The following FYN variants were observed in gnomAD, a reference collection of about 807,000 sequenced individuals.
The protein encoded by FYN is tyrosine-protein kinase Fyn.
A neutral mutation model predicts 70.2 loss-of-function variants in FYN; 10 were observed. The observed-to-expected ratio is 0.14, with a 90% CI of 0.09 to 0.24. The LOEUF is 0.24. Ranked by LOEUF, FYN falls within the 10% of genes least tolerant of loss-of-function variation. The pLI is 1.00. For synonymous variants in FYN, 236 were observed against 248.6 expected (o/e 0.95, Z 0.48); for missense variants, 319 against 673.1 (o/e 0.47, Z 5.82).
intron 5 of FYN, among the ~76,000 whole-genome samples, chr6:111,712,942 C>T (rs185224066): frequency 1.1e-4 from 16 of 152,274 alleles, no homozygotes; most frequent in Non-Finnish European, 2.2e-4. Flanking sequence ...GCAGTAAGTA[C>T]GTTCACACTG....
intron 1 of FYN, among the ~76,000 whole-genome samples, chr6:111,848,487 G>A (rs1343905782): frequency 6.6e-6 from 1 of 152,232 alleles, no homozygotes; most frequent in Non-Finnish European, 1.5e-5. Flanking sequence ...TGCATAAGGA[G>A]TGTTATCCAT....
intron 4 of FYN, among the ~76,000 whole-genome samples, chr6:111,716,579 A>T (rs896093158): frequency 3.9e-5 from 6 of 152,034 alleles, no homozygotes; most frequent in Admixed American, 1.3e-4. Context: ...GGGGAGGGGA[A>T]ATCTGTTGCC....
At chr6:111,706,317 A>G (rs1800091030) in intron 6 of FYN, among the ~76,000 whole-genome samples, 1 of 152,254 alleles carries the variant, frequency 6.6e-6, no homozygotes, top group African/African-American at 2.4e-5. Flanking sequence ...TAACTGTGAA[A>G]GAATCCAGAT....
intron 3 of FYN, among the ~76,000 whole-genome samples, chr6:111,731,485 G>A (rs1020541011): frequency 6.6e-6 from 1 of 152,214 alleles, no homozygotes; most frequent in Admixed American, 6.5e-5. Flanking sequence ...TTGGGGCAGA[G>A]GCTGGTGTCT....
intron 2 of FYN, among the ~76,000 whole-genome samples, chr6:111,782,747 C>T (rs1018672411): frequency 2.0e-5 from 3 of 152,184 alleles, no homozygotes; most frequent in Non-Finnish European, 2.9e-5. Flanking sequence ...ATAGACAAGA[C>T]ACAACTTGTG....
At chr6:111,771,116 A>T (rs1022395356) in intron 3 of FYN, among the ~76,000 whole-genome samples, 2 of 152,162 alleles carry the variant, frequency 1.3e-5, no homozygotes, top group Non-Finnish European at 2.9e-5. Context: ...AAAAACAAGT[A>T]GAATGACCAA....
At chr6:111,720,156 T>G in intron 3 of FYN, 94 bp from the exon 4 acceptor site, 1 of 1,425,758 alleles carries the variant, frequency 7.0e-7, no homozygotes. Flanking sequence ...CAAGGCTCAC[T>G]GTTGGCTATT....
At chr6:111,672,906 C>T (rs1225865512) in intron 13 of FYN, among the ~76,000 whole-genome samples, 1 of 152,150 alleles carries the variant, frequency 6.6e-6, no homozygotes, top group Non-Finnish European at 1.5e-5. Flanking sequence ...CACGCACCTG[C>T]CTTCCTTCTC....
intron 12 of FYN, among the ~76,000 whole-genome samples, chr6:111,690,001 G>A (rs922658237): frequency 6.6e-6 from 1 of 152,178 alleles, no homozygotes; most frequent in Non-Finnish European, 1.5e-5. Context: ...AACTTGTTAG[G>A]TTTAAATCAA....
At chr6:111,663,749 G>T (rs748338838) in intron 13 of FYN, among the ~76,000 whole-genome samples, 1 of 152,142 alleles carries the variant, frequency 6.6e-6, no homozygotes, top group African/African-American at 2.4e-5. Flanking sequence ...CTTTACCAGC[G>T]ACTTCCTCAG....
chr6:111,724,057 T>C (rs1243834642), intron 3 of FYN, among the ~76,000 whole-genome samples: 1 of 152,182 alleles, frequency 6.6e-6, no homozygotes. Flanking sequence ...TCTCCAATCC[T>C]TTTGCAAAGG....
At chr6:111,783,791 G>C (rs1377665605) in intron 2 of FYN, among the ~76,000 whole-genome samples, 1 of 152,210 alleles carries the variant, frequency 6.6e-6, no homozygotes, top group Non-Finnish European at 1.5e-5. Context: ...CGCCCAGCTG[G>C]GAGTGGGGGC....
chr6:111,767,162 T>G (rs1803257120), intron 3 of FYN, among the ~76,000 whole-genome samples: 1 of 152,200 alleles, frequency 6.6e-6, no homozygotes, highest in Admixed American at 6.5e-5. Context: ...TACCTTTAAA[T>G]GACAAAGTAA....
chr6:111,674,427 G>C (rs1000887355), intron 13 of FYN, 72 bp downstream of exon 13: 149 of 1,511,444 alleles, frequency 9.9e-5, no homozygotes, highest in Admixed American at 3.2e-4. Context: ...AAGCAAAGTG[G>C]ATGAAGTTTT....
intron 3 of FYN, among the ~76,000 whole-genome samples, chr6:111,767,361 G>A (rs1438715493): frequency 2.0e-5 from 3 of 151,980 alleles, no homozygotes; most frequent in Admixed American, 2.0e-4. Flanking sequence ...AAAGATTTTT[G>A]GTATTTTGGA....
chr6:111,824,324 T>C (rs1772765660), intron 2 of FYN, among the ~76,000 whole-genome samples: 1 of 152,182 alleles, frequency 6.6e-6, no homozygotes, highest in Non-Finnish European at 1.5e-5. Flanking sequence ...TGGTAAATAT[T>C]AGTGCCTCTA....
intron 2 of FYN, among the ~76,000 whole-genome samples, chr6:111,795,736 T>C (rs924556936): frequency 2.6e-5 from 4 of 152,206 alleles, no homozygotes; most frequent in African/African-American, 9.6e-5. Flanking sequence ...GCATATATTA[T>C]CTCATTTTAG....
At chr6:111,833,439 C>T (rs999943021) in intron 2 of FYN, among the ~76,000 whole-genome samples, 1 of 152,156 alleles carries the variant, frequency 6.6e-6, no homozygotes, top group African/African-American at 2.4e-5. Flanking sequence ...GATGTAGAAA[C>T]GGCACATTTA....
chr6:111,724,242 A>T (rs1801087381), intron 3 of FYN, among the ~76,000 whole-genome samples: 1 of 152,118 alleles, frequency 6.6e-6, no homozygotes, highest in Non-Finnish European at 1.5e-5. Context: ...TTATCAACAG[A>T]TCACAGCCCT....
Sources: gnomAD v4.1 joint callset for allele counts (sites outside exome capture counted in the v4.1 genomes callset) on GRCh38, gnomAD v4.1.1 for gene constraint, MANE v1.5 for transcripts, NCBI Gene and HGNC (gene_info 2026-07-23, HGNC 2026-07-21) for gene names.